RBFOX1: variants seen among roughly 807,000 people sequenced by gnomAD.
The protein encoded by RBFOX1 is RNA binding fox-1 homolog 1.
Under a neutral mutation model 57.7 loss-of-function variants are expected in RBFOX1, and 8 were observed. The ratio of observed to expected loss-of-function variants is 0.14; its 90% CI spans 0.08 to 0.25. RBFOX1 has a LOEUF of 0.25. Among genes scored for constraint, RBFOX1 ranks in the 10% least tolerant of loss-of-function variants. RBFOX1 has a pLI of 1.00. For missense variants in RBFOX1, 611 were observed against 548.5 expected, an observed-to-expected ratio of 1.11 and a Z score of -1.14; for synonymous variants, 326 against 222.4, an observed-to-expected ratio of 1.47 and a Z score of -4.15.
chr16:5,874,949 T>G (rs2057567054), intron 4 of RBFOX1, among the ~76,000 whole-genome samples: 1 of 151,922 alleles, frequency 6.6e-6, no homozygotes, highest in African/African-American at 2.4e-5. Context: ...CCGTCCCCCA[T>G]AAATAAATGC....
intron 3 of RBFOX1, among the ~76,000 whole-genome samples, chr16:5,691,374 C>A (rs773605183): frequency 8.5e-5 from 13 of 152,118 alleles, no homozygotes; most frequent in Non-Finnish European, 1.6e-4. Context: ...CTGCATAGAG[C>A]CATGCAGCTG....
intron 3 of RBFOX1, among the ~76,000 whole-genome samples, chr16:5,722,849 C>T (rs1347038312): frequency 6.6e-6 from 1 of 152,298 alleles, no homozygotes; most frequent in East Asian, 1.9e-4. Context: ...ATCCCCCTAC[C>T]CTCTGCCACT....
rs944261133 is a variant in RBFOX1, at chr16:7,686,785, C to T, written c.995+9947C>T. Among the ~76,000 whole-genome samples the T allele has an allele frequency of 5.9e-5, 9 of 152,186 alleles. No individual in the cohort carries two copies. The South Asian group carries it at 1.9e-3, about 32-fold the overall frequency. On this transcript the variant is annotated intron_variant, in intron 14 of 15. Coordinates refer to ENST00000550418, the MANE Select transcript of RBFOX1 (RefSeq NM_018723.4). ...ATGGTTTTCAGATTCACGGTTGGTT[C>T]TCTTTCACCTGAGCCTAGACAAGAA...
intron 1 of RBFOX1, among the ~76,000 whole-genome samples, chr16:6,315,223 A>G (rs1313673489): frequency 1.3e-5 from 2 of 152,250 alleles, no homozygotes. Context: ...GGCCATGGTC[A>G]CAAAGTTAGA....
At chr16:7,180,162 A>G (rs1346771421) in intron 4 of RBFOX1, among the ~76,000 whole-genome samples, 1 of 151,990 alleles carries the variant, frequency 6.6e-6, no homozygotes, top group African/African-American at 2.4e-5. Context: ...TTGCAGAACT[A>G]TTATTATAAT....
At chr16:7,352,499 G>T (rs911830854) in intron 4 of RBFOX1, among the ~76,000 whole-genome samples, 7 of 152,054 alleles carry the variant, frequency 4.6e-5, no homozygotes, top group African/African-American at 1.7e-4. Flanking sequence ...ACCACTAAAC[G>T]CTTACTCCGG....
At chr16:6,290,537 G>A (rs554347995) in intron 1 of RBFOX1, among the ~76,000 whole-genome samples, 6 of 152,280 alleles carry the variant, frequency 3.9e-5, no homozygotes, top group South Asian at 2.1e-4. Flanking sequence ...AGTGATGTCC[G>A]TGTGAATAAC....
At chr16:6,701,867 G>A (rs9806907) in intron 3 of RBFOX1, among the ~76,000 whole-genome samples, 26,227 of 152,044 alleles carry the variant, frequency 0.17, 3,811 homozygotes, top group African/African-American at 0.4. Flanking sequence ...AGCAAATACT[G>A]TGTTCTCACT....
At chr16:5,423,242 A>G (rs1416906726) in intron 1 of RBFOX1, among the ~76,000 whole-genome samples, 5 of 152,070 alleles carry the variant, frequency 3.3e-5, no homozygotes, top group Admixed American at 1.3e-4. Flanking sequence ...TTGTACAACT[A>G]TAGCCCAGTA....
intron 1 of RBFOX1, among the ~76,000 whole-genome samples, chr16:6,164,593 A>C (rs2096902829): frequency 6.6e-6 from 1 of 151,606 alleles, no homozygotes; most frequent in Non-Finnish European, 1.5e-5. Flanking sequence ...CAGCCTCCCA[A>C]GTAGCTGGGA....
At position 6,690,496 on chromosome 16, in the gene RBFOX1, A is replaced by G. The variant is rs955330596; in HGVS notation, c.-16+35846A>G. ...TTAAAGAAAAAAATAAAATTAACCT[A>G]TTTGTTTAAAAAAATAGTATATAAG... On this transcript the variant is annotated intron_variant, in intron 3 of 15. Coordinates refer to ENST00000550418, the MANE Select transcript of RBFOX1 (RefSeq NM_018723.4). 2.6e-5 allele frequency among the ~76,000 whole-genome samples: 4 copies of G among 152,220 alleles called. No homozygotes were observed. In the East Asian group the frequency reaches 7.7e-4, roughly 29 times the overall value.
intron 4 of RBFOX1, among the ~76,000 whole-genome samples, chr16:7,193,013 G>A (rs1179832132): frequency 6.6e-6 from 1 of 152,156 alleles, no homozygotes; most frequent in South Asian, 2.1e-4. Context: ...TAATGCCCTT[G>A]CCTTACCTAT....
At chr16:6,901,338 A>G (rs1465237875) in intron 3 of RBFOX1, among the ~76,000 whole-genome samples, 1 of 152,160 alleles carries the variant, frequency 6.6e-6, no homozygotes, top group Non-Finnish European at 1.5e-5. Context: ...AGAAGTTTCA[A>G]CCTGGAAATG....
At chr16:7,068,173 C>T (rs2153768135) in intron 4 of RBFOX1, among the ~76,000 whole-genome samples, 1 of 152,072 alleles carries the variant, frequency 6.6e-6, no homozygotes, top group South Asian at 2.1e-4. Context: ...ATTATAATTC[C>T]ATTGGCAAAA....
intron 2 of RBFOX1, among the ~76,000 whole-genome samples, chr16:6,421,189 C>T (rs2093762214): frequency 6.6e-6 from 1 of 152,120 alleles, no homozygotes; most frequent in Non-Finnish European, 1.5e-5. Context: ...CCCAGGCTAC[C>T]CTGATGCGTT....
At chr16:5,392,471 G>A (rs967236601) in intron 1 of RBFOX1, among the ~76,000 whole-genome samples, 2 of 151,366 alleles carry the variant, frequency 1.3e-5, no homozygotes, top group Non-Finnish European at 2.9e-5. Context: ...CATTTTAGGG[G>A]GTGTTACTCT....
intron 2 of RBFOX1, among the ~76,000 whole-genome samples, chr16:6,530,352 A>C (rs1324948173): frequency 6.6e-6 from 1 of 152,166 alleles, no homozygotes; most frequent in Admixed American, 6.5e-5. Context: ...TTCCAGCAGA[A>C]ACAGCTGAGC....
intron 1 of RBFOX1, among the ~76,000 whole-genome samples, chr16:5,401,347 C>G (rs746496396): frequency 8.7e-4 from 132 of 152,192 alleles, no homozygotes; most frequent in Non-Finnish European, 1.7e-3. Context: ...TTTGTGATGC[C>G]TCCTTTAGCG....
chr16:5,662,075 C>T (rs867705139), intron 3 of RBFOX1, among the ~76,000 whole-genome samples: 3 of 152,212 alleles, frequency 2.0e-5, no homozygotes, highest in Middle Eastern at 6.8e-3. Context: ...CATGAGCTAC[C>T]GCGCCCGGCC....
Sources: gnomAD v4.1 joint callset for allele counts (sites outside exome capture counted in the v4.1 genomes callset) on GRCh38, gnomAD v4.1.1 for gene constraint, MANE v1.5 for transcripts, NCBI Gene and HGNC (gene_info 2026-07-23, HGNC 2026-07-21) for gene names.